The following PACRG variants were observed in gnomAD, a reference collection of about 807,000 sequenced individuals.
The protein encoded by PACRG is parkin coregulated, also known as parkin coregulated gene protein.
Under a neutral mutation model 29.7 loss-of-function variants are expected in PACRG, and 29 were observed. That is an observed-to-expected ratio of 0.98 (90% confidence interval 0.73 to 1.33). PACRG has a LOEUF of 1.33. Ranked by LOEUF, PACRG falls within the 40% of genes most tolerant of loss-of-function variation. The pLI, the probability that PACRG is intolerant of heterozygous loss-of-function variation, is 0.00. For missense variants in PACRG, 279 were observed against 316.2 expected, an observed-to-expected ratio of 0.88 and a Z score of 0.89; for synonymous variants, 116 against 118.7, an observed-to-expected ratio of 0.98 and a Z score of 0.15.
In PACRG at chr6:162,834,723, T is replaced by C. The variant is rs957987908; in HGVS notation, c.291+20442T>C. Among the ~76,000 whole-genome samples, 9 of 152,114 alleles carry C rather than the reference T, an allele frequency of 5.9e-5. 1 individual carries two copies. Among genetic ancestry groups the C allele is most frequent in the Admixed American group, 5.9e-4 (9 of 15,230 alleles). On this transcript the variant is annotated intron_variant, in intron 2 of 4. Coordinates refer to ENST00000366888, the MANE Select transcript of PACRG (RefSeq NM_001080379.2). ...CTGTCCTGTATCTGAATGTAGATTC[T>C]ATTATATTTCCATCCAAGCATTTTT...
intron 2 of PACRG, among the ~76,000 whole-genome samples, chr6:162,880,411 T>A (rs1793734472): frequency 6.6e-6 from 1 of 152,204 alleles, no homozygotes; most frequent in Non-Finnish European, 1.5e-5. Context: ...AACTCTAGCA[T>A]GTATTTCTGC....
chr6:163,021,079 C>T (rs753023782), intron 2 of PACRG, among the ~76,000 whole-genome samples: 21 of 152,166 alleles, frequency 1.4e-4, no homozygotes, highest in Non-Finnish European at 2.5e-4. Context: ...TCTTCTTTCT[C>T]CCCAAAACAC....
At chr6:162,813,197 T>TA (rs1325846464) in intron 1 of PACRG, among the ~76,000 whole-genome samples, 1 of 151,922 alleles carries the variant, frequency 6.6e-6, no homozygotes, top group Non-Finnish European at 1.5e-5. Context: ...AATTAACATA[T>TA]AAAATAACTA....
intron 2 of PACRG, among the ~76,000 whole-genome samples, chr6:162,854,884 C>CT (rs1484365430): frequency 6.6e-6 from 1 of 152,242 alleles, no homozygotes; most frequent in Non-Finnish European, 1.5e-5. Context: ...TGGGTAGTCC[C>CT]TTTGGAGGTG....
intron 4 of PACRG, among the ~76,000 whole-genome samples, chr6:163,270,870 T>C (rs1333573340): frequency 6.6e-6 from 1 of 152,152 alleles, no homozygotes; most frequent in Non-Finnish European, 1.5e-5. Context: ...AGCAAACTTC[T>C]GAATTGGTTG....
At chr6:162,878,994 T>G (rs546266405) in intron 2 of PACRG, among the ~76,000 whole-genome samples, 8 of 152,318 alleles carry the variant, frequency 5.3e-5, no homozygotes, top group Non-Finnish European at 1.0e-4. Context: ...AAATATTACC[T>G]TTTCTGTAAT....
chr6:162,896,737 T>C (rs1795199270), intron 2 of PACRG, among the ~76,000 whole-genome samples: 1 of 152,256 alleles, frequency 6.6e-6, no homozygotes, highest in African/African-American at 2.4e-5. Flanking sequence ...GCAAGCGGTC[T>C]GTGTGTGAAG....
At chr6:162,968,501 G>A (rs574808386) in intron 2 of PACRG, among the ~76,000 whole-genome samples, 1 of 152,266 alleles carries the variant, frequency 6.6e-6, no homozygotes, top group East Asian at 1.9e-4. Flanking sequence ...ATTTCCTTTT[G>A]AAAGGCATAT....
At chr6:163,070,425 G>A (rs1357307565) in intron 3 of PACRG, among the ~76,000 whole-genome samples, 1 of 151,718 alleles carries the variant, frequency 6.6e-6, no homozygotes, top group Non-Finnish European at 1.5e-5. Context: ...TTAAGATGGG[G>A]GTTTTGATTA....
rs572981598 is a variant in PACRG, at chr6:162,792,520, C to A, written c.157-21627C>A. ...GATGCAGGTCAAGACCGTGATAGAA[C>A]AGGCCAAGGAACTAGAGAGGCTGAA... On this transcript the variant is annotated intron_variant, in intron 1 of 4. Coordinates refer to ENST00000366888, the MANE Select transcript of PACRG (RefSeq NM_001080379.2). Among the ~76,000 whole-genome samples, 8 of 152,268 alleles carry A rather than the reference C, an allele frequency of 5.3e-5. No homozygotes were observed. In the East Asian group the frequency reaches 1.5e-3, roughly 29 times the overall value.
chr6:163,233,966 A>AT (rs1267212827), intron 4 of PACRG, among the ~76,000 whole-genome samples: 1 of 152,228 alleles, frequency 6.6e-6, no homozygotes, highest in African/African-American at 2.4e-5. Flanking sequence ...TTGGGGCTCA[A>AT]TAAGAAATGC....
At chr6:163,296,278 A>G (rs1439937334) in intron 4 of PACRG, among the ~76,000 whole-genome samples, 13 of 152,082 alleles carry the variant, frequency 8.5e-5, no homozygotes, top group Non-Finnish European at 1.5e-4. Context: ...TATTTTGAGT[A>G]ATTTTCTTCA....
chr6:163,204,735 G>A (rs866877798), intron 4 of PACRG, among the ~76,000 whole-genome samples: 70 of 152,222 alleles, frequency 4.6e-4, no homozygotes, highest in African/African-American at 1.4e-3. Flanking sequence ...CCTGACCAGG[G>A]CAATCGGGCA....
intron 2 of PACRG, among the ~76,000 whole-genome samples, chr6:163,007,714 A>G (rs912654602): frequency 3.3e-5 from 5 of 151,904 alleles, no homozygotes; most frequent in Non-Finnish European, 7.4e-5. Flanking sequence ...TATCTCTTTT[A>G]CCTGTTTTTT....
chr6:163,312,536 A>G (rs1334540946), intron 4 of PACRG, among the ~76,000 whole-genome samples: 2 of 151,832 alleles, frequency 1.3e-5, no homozygotes, highest in Non-Finnish European at 2.9e-5. Flanking sequence ...ACCGGGCTTC[A>G]TCTCCCCCGT....
chr6:162,888,209 T>C lies in PACRG; in HGVS notation c.291+73928T>C, dbSNP rs980104496. Among the ~76,000 whole-genome samples, 11 of 152,078 alleles carry C rather than the reference T, an allele frequency of 7.2e-5. No homozygotes were observed. In the East Asian group the frequency reaches 1.2e-3, roughly 16 times the overall value. On this transcript the variant is annotated intron_variant, in intron 2 of 4. Transcript: ENST00000366888. ...AGTGAGGGTGGGCTGCGGGGTGTCA[T>C]CCTCATCTGTGGGATGTCCGTGCTG...
intron 2 of PACRG, among the ~76,000 whole-genome samples, chr6:162,837,697 A>G (rs899158021): frequency 4.6e-5 from 7 of 152,204 alleles, no homozygotes; most frequent in African/African-American, 1.7e-4. Flanking sequence ...TAGAAAGGAA[A>G]TAGAACTGAG....
chr6:162,877,559 A>G (rs188486065), intron 2 of PACRG, among the ~76,000 whole-genome samples: 135 of 152,182 alleles, frequency 8.9e-4, no homozygotes, highest in African/African-American at 3.1e-3. Context: ...CGTTCTGCAC[A>G]TGTATCCCAG....
At chr6:163,117,779 A>G (rs1218406386) in intron 4 of PACRG, among the ~76,000 whole-genome samples, 1 of 151,974 alleles carries the variant, frequency 6.6e-6, no homozygotes. Context: ...GTTTCTAATG[A>G]AAAAGGGAGG....
Sources: gnomAD v4.1 joint callset for allele counts (sites outside exome capture counted in the v4.1 genomes callset) on GRCh38, gnomAD v4.1.1 for gene constraint, MANE v1.5 for transcripts, NCBI Gene and HGNC (gene_info 2026-07-23, HGNC 2026-07-21) for gene names.